Variants in GGNBP2 observed in about 807,000 individuals in gnomAD.
The protein encoded by GGNBP2 is gametogenetin binding protein 2.
Under a neutral mutation model 85.9 loss-of-function variants are expected in GGNBP2, and 10 were observed. The ratio of observed to expected loss-of-function variants is 0.12; its 90% CI spans 0.07 to 0.20. The LOEUF (loss-of-function observed/expected upper bound fraction) is 0.20, where lower values mean the gene tolerates loss of function less well. Among genes scored for constraint, GGNBP2 ranks in the 10% least tolerant of loss-of-function variants. GGNBP2 has a pLI of 1.00. For missense variants in GGNBP2, 595 were observed against 857.8 expected, an observed-to-expected ratio of 0.69 and a Z score of 3.83; for synonymous variants, 287 against 285.7, an observed-to-expected ratio of 1.00 and a Z score of -0.05.
rs1353436112 is a variant in GGNBP2, at chr17:36,589,589, CT to C, written c.*181del. The C allele has an allele frequency of 1.7e-6, 1 of 599,436 alleles. No individual in the cohort carries two copies. Among genetic ancestry groups the C allele is most frequent in the Non-Finnish European group, 2.9e-6 (1 of 340,090 alleles). 37.1% of individuals were successfully genotyped at this position (599,436 alleles called of 1,614,324 possible). Reference sequence around the variant, plus strand: ...ATTAGTTCTTTCTTCAGGCTTGTGTCTTTAGTTGCGTGGCTGCGCAGGCCTG... The same window carrying C: ...ATTAGTTCTTTCTTCAGGCTTGTGTCTTAGTTGCGTGGCTGCGCAGGCCTG... On this transcript the variant is annotated 3_prime_UTR_variant, in exon 14 of 14. Coordinates refer to ENST00000613102, the MANE Select transcript of GGNBP2 (RefSeq NM_024835.5).
chr17:36,563,104 A>G (rs2074435664), intron 5 of GGNBP2, among the ~76,000 whole-genome samples: 1 of 151,670 alleles, frequency 6.6e-6, no homozygotes, highest in African/African-American at 2.4e-5. Context: ...TGTCTCTACT[A>G]AAAATACAAA....
chr17:36,561,283 C>G (rs1395930299), intron 5 of GGNBP2, among the ~76,000 whole-genome samples: 1 of 152,076 alleles, frequency 6.6e-6, no homozygotes, highest in Non-Finnish European at 1.5e-5. Flanking sequence ...GCCACCACAC[C>G]TGGCTAATTT....
At position 36,545,747 on chromosome 17, in the gene GGNBP2, G is replaced by T. The variant is rs1169088980; in HGVS notation, c.23G>T (p.Cys8Phe). The T allele has an allele frequency of 1.9e-6, 3 of 1,581,188 alleles. No homozygotes were observed. The highest frequency in any genetic ancestry group is 1.8e-5 in the Admixed American group (1 of 55,300). Residue 8 changes from cysteine to phenylalanine, a missense_variant, in exon 2 of 14, where the codon TGC becomes TTC. Physicochemically the swap from Cys to Phe is radical, Grantham distance 205. This residue lies in a region of GGNBP2 where 216 missense variants were observed against 293.4 expected (regional missense o/e 0.74). Transcript: ENST00000613102. MARLVAVCRDGEEEFPFE... is the reference protein window; with the variant it reads MARLVAVFRDGEEEFPFE... ...ACGATGGCGCGACTCGTGGCAGTGT[G>T]CAGGGACGGGGAGGAGGAGTTCCCC...
intron 2 of GGNBP2, 186 bp downstream of exon 2, chr17:36,546,003 C>T (rs1289736376): frequency 1.8e-6 from 1 of 545,404 alleles, no homozygotes; most frequent in East Asian, 3.0e-5. Flanking sequence ...TCTGTCGGCC[C>T]CAAGCCCAGA....
Position 36,548,779 on chromosome 17 carries a change from AC to A in GGNBP2, c.93+2963del, listed in dbSNP as rs547038882. 1.5e-4 allele frequency among the ~76,000 whole-genome samples: 23 copies of A among 152,018 alleles called. 1 individual carries two copies. The South Asian group carries it at 4.6e-3, about 30-fold the overall frequency. On this transcript the variant is annotated intron_variant, in intron 2 of 13. Coordinates refer to ENST00000613102, the MANE Select transcript of GGNBP2 (RefSeq NM_024835.5). Reference sequence around the variant, plus strand: ...GGCAATGTGGTAAAAACCTGTCTCTACTGAAATACAAAAAAATCAGTGGGTG... The same window carrying A: ...GGCAATGTGGTAAAAACCTGTCTCTATGAAATACAAAAAAATCAGTGGGTG...
chr17:36,562,671 T>C (rs187009374), intron 5 of GGNBP2, among the ~76,000 whole-genome samples: 90 of 151,676 alleles, frequency 5.9e-4, no homozygotes, highest in African/African-American at 2.0e-3. Context: ...AAAAAATATT[T>C]AAAACATTTT....
At chr17:36,585,175 T>G (rs1324475023) in intron 9 of GGNBP2, 125 bp from the exon 10 acceptor site, 2 of 755,652 alleles carry the variant, frequency 2.6e-6, no homozygotes, top group Admixed American at 2.9e-5. Context: ...ACTGTCAGTG[T>G]AAATGTCAGT....
intron 12 of GGNBP2, chr17:36,586,591 A>G: frequency 3.9e-6 from 1 of 258,910 alleles, no homozygotes; most frequent in Non-Finnish European, 7.4e-6. Flanking sequence ...TGCTACTATT[A>G]CTTAGTATTC....
intron 5 of GGNBP2, among the ~76,000 whole-genome samples, chr17:36,564,251 G>C (rs1385616532): frequency 1.3e-5 from 2 of 152,052 alleles, no homozygotes; most frequent in Non-Finnish European, 2.9e-5. Context: ...CTTTTTTTCT[G>C]TTAAGCATAT....
chr17:36,574,532 G>A (rs1599534955), intron 6 of GGNBP2: 1 of 399,500 alleles, frequency 2.5e-6, no homozygotes, highest in East Asian at 5.6e-5. Flanking sequence ...GAGATGGTCA[G>A]TGAATTCCTG....
At chr17:36,569,463 T>C (rs2074501456) in intron 6 of GGNBP2, among the ~76,000 whole-genome samples, 1 of 152,154 alleles carries the variant, frequency 6.6e-6, no homozygotes, top group East Asian at 1.9e-4. Flanking sequence ...TTGGGGCAGT[T>C]CTACTGTTTA....
At chr17:36,559,296 CAAAAAAAAAAAA>C (rs892895973) in intron 4 of GGNBP2, among the ~76,000 whole-genome samples, 126 of 31,488 alleles carry the variant, frequency 4.0e-3, no homozygotes, top group African/African-American at 0.012. Flanking sequence ...GACTCTGTCT[CAAAAAAAAAAAA>C]AAAAAAAAAA....
intron 6 of GGNBP2, among the ~76,000 whole-genome samples, chr17:36,576,165 C>A: frequency 7.5e-6 from 1 of 132,526 alleles, no homozygotes; most frequent in African/African-American, 2.8e-5. Flanking sequence ...ATGGTGAAAC[C>A]CCATCTGCAC....
chr17:36,576,887 G>A (rs973368706), intron 6 of GGNBP2: 1 of 151,976 alleles, frequency 6.6e-6, no homozygotes, highest in Non-Finnish European at 1.5e-5. Context: ...AAGGCACATA[G>A]GAATAGAACA....
At position 36,589,260 on chromosome 17, in the gene GGNBP2, TAC is replaced by T; in HGVS notation, c.1945_1946del (p.Gln649ValfsTer5). The T allele has an allele frequency of 6.2e-7, 1 of 1,613,208 alleles. No individual in the cohort carries two copies. The highest frequency in any genetic ancestry group is 8.5e-7 in the Non-Finnish European group (1 of 1,179,204). On this transcript the variant is annotated frameshift_variant, in exon 14 of 14. Transcript: ENST00000613102. LOFTEE classifies it high-confidence loss of function. ...GAAATCTTTATCTCACAAGATGAAATACAGTCATTTATGGCTAATAACCAGTC... is the reference window on the plus strand; with the variant it reads ...GAAATCTTTATCTCACAAGATGAAATAGTCATTTATGGCTAATAACCAGTC...
intron 8 of GGNBP2, among the ~76,000 whole-genome samples, chr17:36,579,840 G>A (rs1408731282): frequency 3.9e-5 from 6 of 151,980 alleles, no homozygotes; most frequent in East Asian, 1.9e-4. Flanking sequence ...ATGAAACCCC[G>A]TCTCTACTAA....
chr17:36,580,066 G>C (rs1759585296), intron 8 of GGNBP2, among the ~76,000 whole-genome samples: 2 of 152,022 alleles, frequency 1.3e-5, no homozygotes. Context: ...CTAGTGAAAA[G>C]TTAAATGCCC....
intron 6 of GGNBP2, chr17:36,574,645 G>A (rs2074558548): frequency 1.7e-6 from 1 of 585,950 alleles, no homozygotes; most frequent in Non-Finnish European, 3.0e-6. Flanking sequence ...AGTTACCCAG[G>A]GCGGCAGTGT....
At chr17:36,572,833 C>T (rs1319611561) in intron 6 of GGNBP2, among the ~76,000 whole-genome samples, 2 of 152,086 alleles carry the variant, frequency 1.3e-5, no homozygotes, top group Admixed American at 6.6e-5. Flanking sequence ...TTGAACAACA[C>T]CTTTTTTCTC....
Sources: allele counts gnomAD v4.1 joint callset (sites outside exome capture counted in the v4.1 genomes callset), GRCh38; gene constraint gnomAD v4.1.1; regional missense constraint gnomAD v4.1.1; transcripts MANE v1.5; gene names NCBI Gene and HGNC (gene_info 2026-07-23, HGNC 2026-07-21).